The following ADGRV1 variants were observed in gnomAD, a reference collection of about 807,000 sequenced individuals.
ADGRV1 encodes G-protein coupled receptor 98.
A neutral mutation model predicts 596.2 loss-of-function variants in ADGRV1; 359 were observed. The observed-to-expected ratio is 0.60, with a 90% CI of 0.55 to 0.66. The LOEUF (loss-of-function observed/expected upper bound fraction) is 0.66, where lower values mean the gene tolerates loss of function less well. Ranked by LOEUF, ADGRV1 falls within the 30% of genes least tolerant of loss-of-function variation. The pLI is 0.00. For missense variants in ADGRV1, 7,274 were observed against 7,575.6 expected, an observed-to-expected ratio of 0.96 and a Z score of 1.48; for synonymous variants, 2,681 against 2,679.2, an observed-to-expected ratio of 1.00 and a Z score of -0.02.
intron 10 of ADGRV1, 94 bp from the exon 11 acceptor site, chr5:90,637,631 T>C (rs1766387606): frequency 1.2e-6 from 1 of 812,696 alleles, no homozygotes; most frequent in Non-Finnish European, 1.8e-6. Context: ...GTTCACACAG[T>C]AATATATGTA....
At chr5:90,660,541 A>T (rs1352245864) in intron 21 of ADGRV1, among the ~76,000 whole-genome samples, 3 of 148,944 alleles carry the variant, frequency 2.0e-5, no homozygotes, top group Non-Finnish European at 3.0e-5. Context: ...GTTAAAAAAA[A>T]TTCCCTCAAA....
chr5:90,820,087 A>C (rs1346364215), intron 75 of ADGRV1, among the ~76,000 whole-genome samples: 1 of 151,670 alleles, frequency 6.6e-6, no homozygotes, highest in East Asian at 1.9e-4. Context: ...TTGCTTTTTG[A>C]ATCTGGGTGC....
At chr5:90,725,268 T>C in intron 47 of ADGRV1, 36 bp downstream of exon 47, 1 of 1,184,496 alleles carries the variant, frequency 8.4e-7, no homozygotes, top group South Asian at 1.7e-5. Flanking sequence ...GATTACTTTC[T>C]TTAAAAGAAA....
chr5:90,627,808 T>G (rs1278054404), intron 7 of ADGRV1, 32 bp downstream of exon 7: 1 of 1,244,136 alleles, frequency 8.0e-7, no homozygotes, highest in African/African-American at 1.5e-5. Context: ...TTGCTACCAT[T>G]ATTTTATTAT....
chr5:90,905,147 G>A (rs1772196784), intron 83 of ADGRV1, among the ~76,000 whole-genome samples: 1 of 151,974 alleles, frequency 6.6e-6, no homozygotes, highest in Admixed American at 6.6e-5. Flanking sequence ...CAACTGTGTG[G>A]TATAATTTCA....
chr5:90,756,931 G>A, intron 56 of ADGRV1, 48 bp from the exon 57 acceptor site: 1 of 1,385,954 alleles, frequency 7.2e-7, no homozygotes, highest in Non-Finnish European at 9.9e-7. Context: ...GATGACTTAT[G>A]AGAGTTACCA....
rs183015849 is a variant in ADGRV1 at position 91,062,637 on chromosome 5, G to C, written c.18153-9810G>C. ...TCTCGTTTGGCCAGTCTGCAGATCT[G>C]CGGTATCCTCTGTCACTTTACTGCT... On this transcript the variant is annotated intron_variant, in intron 85 of 89. Coordinates refer to ENST00000405460, the MANE Select transcript of ADGRV1 (RefSeq NM_032119.4). 5.3e-5 allele frequency among the ~76,000 whole-genome samples: 8 copies of C among 152,204 alleles called. 2 individuals are homozygous for C. The highest frequency in any genetic ancestry group is 1.9e-4 in the African/African-American group (8 of 41,536).
chr5:90,641,339 C>T (rs1766945822), intron 11 of ADGRV1, among the ~76,000 whole-genome samples: 1 of 152,026 alleles, frequency 6.6e-6, no homozygotes, highest in South Asian at 2.1e-4. Flanking sequence ...ATCTCAGAGC[C>T]GTATACAGAA....
At chr5:90,845,433 A>G (rs921390472) in intron 78 of ADGRV1, among the ~76,000 whole-genome samples, 1 of 152,120 alleles carries the variant, frequency 6.6e-6, no homozygotes, top group Admixed American at 6.5e-5. Flanking sequence ...TTTAATATGA[A>G]TGAAAGTGTG....
At chr5:90,704,007 GAGTAGT>G in intron 35 of ADGRV1, among the ~76,000 whole-genome samples, 1 of 152,012 alleles carries the variant, frequency 6.6e-6, no homozygotes, top group Non-Finnish European at 1.5e-5. Context: ...CCTCTGCCTT[GAGTAGT>G]ACATTGGACT....
At chr5:90,962,794 G>A (rs1047353691) in intron 83 of ADGRV1, among the ~76,000 whole-genome samples, 2 of 152,132 alleles carry the variant, frequency 1.3e-5, no homozygotes, top group African/African-American at 4.8e-5. Flanking sequence ...ATTTGTAACT[G>A]ATCTTCTTAT....
At chr5:90,948,684 G>A (rs1363331792) in intron 83 of ADGRV1, among the ~76,000 whole-genome samples, 1 of 152,078 alleles carries the variant, frequency 6.6e-6, no homozygotes, top group Non-Finnish European at 1.5e-5. Flanking sequence ...GCCTAACCTA[G>A]CCTACCTTAA....
chr5:90,654,754 A>G (rs916572305), intron 20 of ADGRV1: 2 of 152,158 alleles, frequency 1.3e-5, no homozygotes, highest in African/African-American at 2.4e-5. Flanking sequence ...CAGAGGGGGA[A>G]AAAAAGATAG....
At chr5:90,833,464 T>C (rs575891877) in intron 77 of ADGRV1, among the ~76,000 whole-genome samples, 43 of 152,156 alleles carry the variant, frequency 2.8e-4, no homozygotes, top group African/African-American at 1.0e-3. Flanking sequence ...TTTGTAGTTT[T>C]TGCAGAAATG....
intron 1 of ADGRV1, among the ~76,000 whole-genome samples, chr5:90,566,643 A>G (rs1332888560): frequency 6.6e-6 from 1 of 152,114 alleles, no homozygotes; most frequent in African/African-American, 2.4e-5. Flanking sequence ...TTCATTACTA[A>G]TGTATAGAAA....
At chr5:90,865,650 T>C (rs1310059512) in intron 83 of ADGRV1, among the ~76,000 whole-genome samples, 6 of 152,168 alleles carry the variant, frequency 3.9e-5, no homozygotes, top group Admixed American at 3.3e-4. Flanking sequence ...TAGCTCTTTT[T>C]TGGCAGGAAG....
chr5:91,163,654 C>G (rs1435702245), intron 89 of ADGRV1, 128 bp from the exon 90 acceptor site: 3 of 527,184 alleles, frequency 5.7e-6, no homozygotes, highest in Non-Finnish European at 1.0e-5. Flanking sequence ...AATATCTATT[C>G]TAAATGTATG....
At chr5:90,726,489 G>A (rs1402235480) in intron 48 of ADGRV1, among the ~76,000 whole-genome samples, 8 of 151,848 alleles carry the variant, frequency 5.3e-5, no homozygotes, top group South Asian at 2.1e-4. Flanking sequence ...TTACTTCCCC[G>A]TGCTCACCAA....
intron 72 of ADGRV1, 129 bp from the exon 73 acceptor site, chr5:90,807,473 A>G: frequency 1.1e-6 from 1 of 920,832 alleles, no homozygotes; most frequent in Non-Finnish European, 1.5e-6. Flanking sequence ...CCTTTTTAAA[A>G]ATGTTTTACC....
Sources: gnomAD v4.1 joint callset for allele counts (sites outside exome capture counted in the v4.1 genomes callset) on GRCh38, gnomAD v4.1.1 for gene constraint, MANE v1.5 for transcripts, NCBI Gene and HGNC (gene_info 2026-07-23, HGNC 2026-07-21) for gene names.